Variants in ERC1 observed in about 807,000 individuals in gnomAD.
ERC1 encodes RAB6 interacting protein 2.
In ERC1, 56 loss-of-function variants were observed where a neutral mutation model predicts 132.0. The observed-to-expected ratio is 0.42, with a 90% CI of 0.34 to 0.53. ERC1 has a LOEUF of 0.53. Ranked by LOEUF, ERC1 falls within the 20% of genes least tolerant of loss-of-function variation. ERC1 has a pLI of 0.03. For synonymous variants in ERC1, 478 were observed against 476.1 expected, an observed-to-expected ratio of 1.00 and a Z score of -0.05; for missense variants, 1,202 against 1,349.9, an observed-to-expected ratio of 0.89 and a Z score of 1.72.
intron 16 of ERC1, among the ~76,000 whole-genome samples, chr12:1,404,265 T>C (rs1483711628): frequency 3.3e-5 from 5 of 152,186 alleles, no homozygotes; most frequent in Non-Finnish European, 7.3e-5. Context: ...CGGGCCTTTT[T>C]CCAAGTATAA....
chr12:1,169,385 G>A (rs1389060472), intron 8 of ERC1, among the ~76,000 whole-genome samples: 1 of 152,208 alleles, frequency 6.6e-6, no homozygotes, highest in South Asian at 2.1e-4. Context: ...GAGGTGCCAT[G>A]GTTTGAATTC....
intron 16 of ERC1, chr12:1,380,263 T>C (rs893664760): frequency 6.6e-6 from 1 of 152,238 alleles, no homozygotes; most frequent in African/African-American, 2.4e-5. Context: ...CTGGCCAACA[T>C]TGTTTCCTTT....
At chr12:1,180,287 GCA>G (rs1187071072) in intron 8 of ERC1, among the ~76,000 whole-genome samples, 21 of 132,492 alleles carry the variant, frequency 1.6e-4, no homozygotes, top group African/African-American at 8.6e-4. Flanking sequence ...GTGTGTGCGC[GCA>G]CGCGTGTGCG....
chr12:1,279,699 T>G (rs1039767371), intron 14 of ERC1, among the ~76,000 whole-genome samples: 15 of 151,102 alleles, frequency 9.9e-5, no homozygotes, highest in Non-Finnish European at 2.1e-4. Flanking sequence ...ATTTATTTAT[T>G]TTTTTTTGAG....
chr12:1,104,967 C>A, intron 4 of ERC1, 143 bp downstream of exon 4: 1 of 576,856 alleles, frequency 1.7e-6, no homozygotes, highest in Non-Finnish European at 3.1e-6. Context: ...ATGAAAATGA[C>A]ATCTTAAAAG....
chr12:1,204,353 T>C, intron 12 of ERC1: 3 of 497,700 alleles, frequency 6.0e-6, no homozygotes, highest in Non-Finnish European at 1.1e-5. Context: ...TAATTCTTTT[T>C]TAGTGACTGT....
Position 1,144,614 on chromosome 12 carries a change from G to GTATATATATATATATA in ERC1, c.1737+2832_1737+2847dup, listed in dbSNP as rs142846830. Among the ~76,000 whole-genome samples the GTATATATATATATATA allele has an allele frequency of 1.4e-3, 184 of 132,232 alleles. 2 individuals carry two copies. The highest frequency in any genetic ancestry group is 5.4e-3 in the African/African-American group (172 of 31,958). The allele number at this position is 132,232 out of a possible 152,430, so 86.7% of individuals were successfully genotyped here. On this transcript the variant is annotated intron_variant, in intron 8 of 18. Coordinates refer to ENST00000360905, the MANE Select transcript of ERC1 (RefSeq NM_178040.4). Reference sequence around the variant, plus strand: ...TTTTATGGCTGAGTAGAATTTTGTGGTATATATATATATATATATACGTGT... The same window carrying GTATATATATATATATA: ...TTTTATGGCTGAGTAGAATTTTGTGGTATATATATATATATATATATATATATATATATATACGTGT...
intron 18 of ERC1, among the ~76,000 whole-genome samples, chr12:1,486,252 T>C (rs1291043539): frequency 1.3e-5 from 2 of 152,268 alleles, no homozygotes; most frequent in African/African-American, 4.8e-5. Flanking sequence ...TGTTTGGAAA[T>C]GTGTTATACA....
chr12:1,442,355 A>T (rs916165359), intron 17 of ERC1, among the ~76,000 whole-genome samples: 2 of 152,252 alleles, frequency 1.3e-5, no homozygotes, highest in Non-Finnish European at 2.9e-5. Flanking sequence ...TCCTTCTGTG[A>T]CTGGCTGTGT....
At chr12:1,414,641 C>T (rs1331593021) in intron 17 of ERC1, among the ~76,000 whole-genome samples, 1 of 152,136 alleles carries the variant, frequency 6.6e-6, no homozygotes, top group African/African-American at 2.4e-5. Context: ...CCATGCCACT[C>T]TCTATCCGTT....
chr12:1,070,164 CCTT>C (rs1940063593), intron 2 of ERC1, among the ~76,000 whole-genome samples: 1 of 152,116 alleles, frequency 6.6e-6, no homozygotes, highest in African/African-American at 2.4e-5. Flanking sequence ...AGCTTTTAAA[CCTT>C]CTGTTTTACC....
chr12:1,406,069 GT>G (rs1417947771), intron 16 of ERC1, among the ~76,000 whole-genome samples: 2 of 152,148 alleles, frequency 1.3e-5, no homozygotes, highest in African/African-American at 2.4e-5. Context: ...TGTATTGGGT[GT>G]CAGTTTTACG....
intron 13 of ERC1, among the ~76,000 whole-genome samples, chr12:1,241,297 T>C (rs576278949): frequency 1.3e-5 from 2 of 152,346 alleles, no homozygotes; most frequent in South Asian, 4.1e-4. Flanking sequence ...TGATCTATTA[T>C]CTGAAATTTC....
intron 2 of ERC1, among the ~76,000 whole-genome samples, chr12:1,051,706 G>A (rs1220496176): frequency 1.3e-5 from 2 of 152,066 alleles, no homozygotes; most frequent in Non-Finnish European, 2.9e-5. Flanking sequence ...GTGACAGAGC[G>A]AGACCCTGTC....
intron 17 of ERC1, among the ~76,000 whole-genome samples, chr12:1,419,125 G>T (rs759278858): frequency 2.0e-5 from 3 of 152,058 alleles, no homozygotes; most frequent in African/African-American, 2.4e-5. Context: ...TAACCTAGCA[G>T]TGGATGAAAA....
At position 1,294,281 on chromosome 12, in the gene ERC1, C is replaced by T. The variant is rs187019836; in HGVS notation, c.2780+4269C>T. Among the ~76,000 whole-genome samples the T allele has an allele frequency of 1.2e-4, 19 of 152,158 alleles. No individual in the cohort carries two copies. In the East Asian group the frequency reaches 3.7e-3, roughly 29 times the overall value. ...TCCTTCTTTAAATTTTAAACTTATTCCACATTTTAGCTTTTTAAGATCAGA... is the reference window on the plus strand; with the variant it reads ...TCCTTCTTTAAATTTTAAACTTATTTCACATTTTAGCTTTTTAAGATCAGA... On this transcript the variant is annotated intron_variant, in intron 15 of 18. Transcript: ENST00000360905.
At chr12:1,311,416 A>C (rs996983276) in intron 15 of ERC1, among the ~76,000 whole-genome samples, 2 of 152,238 alleles carry the variant, frequency 1.3e-5, no homozygotes. Context: ...GATCAGCCTT[A>C]GTTGATTAGT....
chr12:1,079,105 C>T (rs906728980), intron 2 of ERC1, among the ~76,000 whole-genome samples: 2 of 144,082 alleles, frequency 1.4e-5, no homozygotes, highest in Non-Finnish European at 3.0e-5. Flanking sequence ...TGACAAAAGT[C>T]GATATACAGA....
chr12:1,002,437 T>A (rs957635983), intron 1 of ERC1, among the ~76,000 whole-genome samples: 2 of 151,788 alleles, frequency 1.3e-5, no homozygotes, highest in East Asian at 3.9e-4. Flanking sequence ...TCTGCCTGCC[T>A]TGGTCTCCCA....
Sources: gnomAD v4.1 joint callset for allele counts (sites outside exome capture counted in the v4.1 genomes callset) on GRCh38, gnomAD v4.1.1 for gene constraint, MANE v1.5 for transcripts, NCBI Gene and HGNC (gene_info 2026-07-23, HGNC 2026-07-21) for gene names.